Variants in SKIC3 observed in about 807,000 individuals in gnomAD.
The protein encoded by SKIC3 is superkiller complex protein 3.
chr5:95,542,343 G>C, the SKIC3 span, among the ~76,000 whole-genome samples: 3 of 152,026 alleles, frequency 2.0e-5, no homozygotes, highest in East Asian at 3.9e-4. Flanking sequence ...TTGATGTTTT[G>C]ATATATGTAT....
the SKIC3 span, among the ~76,000 whole-genome samples, chr5:95,533,317 A>G: frequency 6.6e-6 from 1 of 152,192 alleles, no homozygotes; most frequent in Non-Finnish European, 1.5e-5. Context: ...GAACCCAGTG[A>G]TTAACTGCTG....
At chr5:95,537,198 T>C in the SKIC3 span, 3 of 1,406,166 alleles carry the variant, frequency 2.1e-6, no homozygotes, top group Non-Finnish European at 3.0e-6. Context: ...AATGATTAAA[T>C]GTATAAGACT....
the SKIC3 span, among the ~76,000 whole-genome samples, chr5:95,485,348 C>T: frequency 6.6e-6 from 1 of 152,124 alleles, no homozygotes; most frequent in Admixed American, 6.5e-5. Context: ...GTCACATAGG[C>T]CAATTTGCAT....
chr5:95,524,502 C>T, the SKIC3 span: 2 of 1,613,420 alleles, frequency 1.2e-6, no homozygotes, highest in African/African-American at 1.3e-5. Flanking sequence ...TTTATCTTTT[C>T]TTGTCTCTTC....
the SKIC3 span, among the ~76,000 whole-genome samples, chr5:95,473,458 T>C: frequency 3.3e-5 from 5 of 152,146 alleles, no homozygotes; most frequent in Admixed American, 2.6e-4. Context: ...ATTTTTTCTA[T>C]AGAGATGGGA....
chr5:95,523,540 T>G, the SKIC3 span: 2 of 1,313,914 alleles, frequency 1.5e-6, no homozygotes, highest in Non-Finnish European at 2.1e-6. Context: ...AATATTTATA[T>G]TGCACCTATA....
At chr5:95,498,290 A>T in the SKIC3 span, 1 of 1,408,566 alleles carries the variant, frequency 7.1e-7, no homozygotes, top group Non-Finnish European at 1.0e-6. Flanking sequence ...ACCTTATTTT[A>T]TAGTATTAAT....
chr5:95,509,109 A>G, the SKIC3 span, among the ~76,000 whole-genome samples: 2 of 152,218 alleles, frequency 1.3e-5, no homozygotes, highest in Non-Finnish European at 2.9e-5. Flanking sequence ...TTCATCTTCT[A>G]AGATGTAATA....
chr5:95,517,470 T>C, the SKIC3 span: 5 of 894,840 alleles, frequency 5.6e-6, no homozygotes, highest in East Asian at 2.7e-5. Context: ...ACCTCCCTAA[T>C]AGGAAGGGAA....
At chr5:95,540,131 T>A in the SKIC3 span, among the ~76,000 whole-genome samples, 1 of 152,116 alleles carries the variant, frequency 6.6e-6, no homozygotes, top group African/African-American at 2.4e-5. Flanking sequence ...ATTAATAGCA[T>A]TCGCAGCAAC....
the SKIC3 span, among the ~76,000 whole-genome samples, chr5:95,505,479 T>G: frequency 6.6e-6 from 1 of 152,196 alleles, no homozygotes; most frequent in Non-Finnish European, 1.5e-5. Context: ...CAGAAGGGAA[T>G]GTGGGTGCTT....
At chr5:95,468,346 C>G in the SKIC3 span, among the ~76,000 whole-genome samples, 1 of 152,116 alleles carries the variant, frequency 6.6e-6, no homozygotes, top group East Asian at 1.9e-4. Flanking sequence ...AGTGCTCTAC[C>G]TCCAATCTTT....
At chr5:95,530,993 A>C in the SKIC3 span, among the ~76,000 whole-genome samples, 1 of 152,118 alleles carries the variant, frequency 6.6e-6, no homozygotes, top group Admixed American at 6.6e-5. Context: ...TAAATCATTT[A>C]ATCACATAGG....
At chr5:95,466,539 T>G in the SKIC3 span, among the ~76,000 whole-genome samples, 1 of 152,190 alleles carries the variant, frequency 6.6e-6, no homozygotes, top group African/African-American at 2.4e-5. Context: ...TCTCTGAAGA[T>G]GAGAAACTCT....
chr5:95,513,126 A>G, the SKIC3 span: 19 of 181,084 alleles, frequency 1.0e-4, no homozygotes, highest in South Asian at 2.2e-3. Context: ...CTTTAATTCG[A>G]GAAAACTAAT....
the SKIC3 span, chr5:95,543,451 A>G: frequency 1.9e-5 from 21 of 1,084,018 alleles, no homozygotes; most frequent in Non-Finnish European, 1.9e-5. Context: ...AAACTTCAGA[A>G]TGCCATTTAA....
chr5:95,475,427 C>T, the SKIC3 span, among the ~76,000 whole-genome samples: 1 of 151,996 alleles, frequency 6.6e-6, no homozygotes, highest in Non-Finnish European at 1.5e-5. Flanking sequence ...TGTGGTACAT[C>T]CCCCCTCTCT....
the SKIC3 span, chr5:95,513,530 T>C: frequency 1.3e-6 from 2 of 1,591,822 alleles, no homozygotes; most frequent in South Asian, 1.1e-5. Flanking sequence ...ATAACACTTT[T>C]CTCATTAATG....
chr5:95,540,582 T>A, the SKIC3 span: 1 of 1,414,692 alleles, frequency 7.1e-7, no homozygotes, highest in Non-Finnish European at 9.9e-7. Flanking sequence ...TCAACATTAC[T>A]ATGGAAATGG....
Sources: allele counts gnomAD v4.1 joint callset (sites outside exome capture counted in the v4.1 genomes callset), GRCh38; gene constraint gnomAD v4.1.1; transcripts MANE v1.5; gene names NCBI Gene and HGNC (gene_info 2026-07-23, HGNC 2026-07-21).